The following P4HA1 variants were observed in gnomAD, a reference collection of about 807,000 sequenced individuals.
P4HA1 encodes the protein prolyl 4-hydroxylase subunit alpha 1, also known as prolyl 4-hydroxylase subunit alpha-1.
Under a neutral mutation model 72.8 loss-of-function variants are expected in P4HA1, and 24 were observed. The ratio of observed to expected loss-of-function variants is 0.33; its 90% CI spans 0.24 to 0.46. The LOEUF (loss-of-function observed/expected upper bound fraction) is 0.46, where lower values mean the gene tolerates loss of function less well. Ranked by LOEUF, P4HA1 falls within the 20% of genes least tolerant of loss-of-function variation. The pLI is 1.00. For synonymous variants in P4HA1, 201 were observed against 218.8 expected (o/e 0.92, Z 0.72); for missense variants, 446 against 640.6 (o/e 0.70, Z 3.28).
intron 5 of P4HA1, among the ~76,000 whole-genome samples, chr10:73,060,083 G>C (rs1211640418): frequency 2.0e-5 from 3 of 152,092 alleles, no homozygotes; most frequent in African/African-American, 7.2e-5. Context: ...TACCTCAGAT[G>C]TCTTTAAAAC....
chr10:73,050,421 G>A (rs1346438984), intron 7 of P4HA1, among the ~76,000 whole-genome samples: 1 of 151,558 alleles, frequency 6.6e-6, no homozygotes, highest in African/African-American at 2.4e-5. Flanking sequence ...AGTTTTTTAG[G>A]CTGGGCACAG....
intron 9 of P4HA1, among the ~76,000 whole-genome samples, chr10:73,032,831 C>T (rs560069561): frequency 1.2e-4 from 19 of 152,064 alleles, no homozygotes; most frequent in Non-Finnish European, 2.8e-4. Context: ...AAGAGAAAGA[C>T]ATGGAGAAGA....
intron 10 of P4HA1, among the ~76,000 whole-genome samples, chr10:73,021,172 A>G (rs1257249387): frequency 6.6e-6 from 1 of 152,018 alleles, no homozygotes; most frequent in African/African-American, 2.4e-5. Context: ...AATAACAGAC[A>G]CTGGCAAGGA....
rs761299532 is a variant in P4HA1 at position 73,009,860 on chromosome 10, C to T, written c.1481G>A (p.Gly494Glu). The change falls in exon 14 of 15, where the codon GGA becomes GAA. Residue 494 changes from glycine (G) to glutamate (E), a missense_variant. Coordinates refer to ENST00000394890, the MANE Select transcript of P4HA1 (RefSeq NM_001017962.3). ...GGCTGCATGCCGTGTACTATAATCT[C>T]CTTCTCCACTGGCAAACAGATTATA... ...FWYNLFASGE[G>E]DYSTRHAACP... is the part of the protein sequence containing the mutation. The T allele has an allele frequency of 3.1e-6, 5 of 1,611,498 alleles. No homozygotes were observed. The African/African-American group carries it at 6.7e-5, about 22-fold the overall frequency.
chr10:73,045,414 AAAG>A (rs1840833890), intron 8 of P4HA1, among the ~76,000 whole-genome samples: 1 of 152,122 alleles, frequency 6.6e-6, no homozygotes, highest in African/African-American at 2.4e-5. Flanking sequence ...AAGGGGAAAA[AAAG>A]AAGAATGCCT....
chr10:73,023,351 T>TA (rs1365897812), intron 10 of P4HA1, among the ~76,000 whole-genome samples: 1 of 151,858 alleles, frequency 6.6e-6, no homozygotes, highest in Admixed American at 6.6e-5. Context: ...TCAACATTCT[T>TA]AAAAAAAAGA....
Position 73,030,295 on chromosome 10 carries a change from A to G in P4HA1, c.1224T>C (p.Asp408=). The G allele has an allele frequency of 6.4e-7, 1 of 1,565,260 alleles. No homozygotes were observed. The highest frequency in any genetic ancestry group is 8.7e-7 in the Non-Finnish European group (1 of 1,146,258). ...CCTGTAATTCCTCTGCTGTGGAAAC[A>G]TCTAGTCCTGTTAGATCTTGTATTC... The part of the protein sequence containing the change: ...NMRIQDLTGL[D]VSTAEELQVA... The change falls in exon 10 of 15, where the codon GAT becomes GAC. Residue 408 remains aspartate (D), a synonymous_variant. Coordinates refer to ENST00000394890, the MANE Select transcript of P4HA1 (RefSeq NM_001017962.3).
intron 5 of P4HA1, among the ~76,000 whole-genome samples, chr10:73,068,371 A>C (rs1224284334): frequency 1.3e-5 from 2 of 152,210 alleles, no homozygotes; most frequent in Non-Finnish European, 2.9e-5. Context: ...AGCAACTGTA[A>C]CTTAAAAAGA....
intron 1 of P4HA1, among the ~76,000 whole-genome samples, chr10:73,083,934 A>T (rs187964497): frequency 3.9e-5 from 6 of 152,362 alleles, no homozygotes; most frequent in Admixed American, 6.5e-5. Flanking sequence ...TTTGATAAAC[A>T]TTTTTAATTT....
chr10:73,093,141 A>G (rs1053462108), intron 1 of P4HA1, among the ~76,000 whole-genome samples: 6 of 151,244 alleles, frequency 4.0e-5, no homozygotes, highest in Non-Finnish European at 5.9e-5. Context: ...AAAAAAAGAG[A>G]GAGTAAGGCT....
chr10:73,018,179 C>CT (rs1840052155), intron 10 of P4HA1, among the ~76,000 whole-genome samples: 1 of 152,288 alleles, frequency 6.6e-6, no homozygotes, highest in South Asian at 2.1e-4. Flanking sequence ...CATGTACTCC[C>CT]TCCCAAGAAA....
chr10:73,055,301 T>C (rs564582093), intron 5 of P4HA1, among the ~76,000 whole-genome samples: 1 of 152,216 alleles, frequency 6.6e-6, no homozygotes, highest in East Asian at 1.9e-4. Context: ...ATCTCCCAGG[T>C]TCAAGCGATT....
intron 1 of P4HA1, among the ~76,000 whole-genome samples, chr10:73,088,812 T>G (rs1363014128): frequency 6.6e-6 from 1 of 152,262 alleles, no homozygotes; most frequent in Non-Finnish European, 1.5e-5. Flanking sequence ...TTGACAATTT[T>G]TGTGTGACTA....
intron 9 of P4HA1, 122 bp downstream of exon 9, chr10:73,044,859 T>C: frequency 4.5e-6 from 3 of 672,488 alleles, no homozygotes; most frequent in African/African-American, 1.8e-5. Flanking sequence ...ATCCTGTTTA[T>C]ATACAGGGTG....
intron 10 of P4HA1, among the ~76,000 whole-genome samples, chr10:73,023,244 G>A (rs1250270616): frequency 6.6e-6 from 1 of 152,174 alleles, no homozygotes; most frequent in Non-Finnish European, 1.5e-5. Context: ...GGCAGCCAGA[G>A]AGAAAGGTCG....
At chr10:73,065,288 G>A (rs1841394007) in intron 5 of P4HA1, 1 of 152,036 alleles carries the variant, frequency 6.6e-6, no homozygotes, top group African/African-American at 2.4e-5. Context: ...ACAAATCAGG[G>A]TTGGGAACAA....
intron 10 of P4HA1, among the ~76,000 whole-genome samples, chr10:73,024,395 G>A (rs191174905): frequency 3.9e-5 from 6 of 152,170 alleles, no homozygotes; most frequent in African/African-American, 1.2e-4. Context: ...AATGACTACT[G>A]GGTAAATAAC....
At chr10:73,060,021 A>AC (rs1841275282) in intron 5 of P4HA1, among the ~76,000 whole-genome samples, 1 of 152,148 alleles carries the variant, frequency 6.6e-6, no homozygotes, top group Non-Finnish European at 1.5e-5. Flanking sequence ...AATGAAATAA[A>AC]TGAACTCAAC....
At chr10:73,065,521 T>TA (rs1241689204) in intron 5 of P4HA1, 1 of 152,118 alleles carries the variant, frequency 6.6e-6, no homozygotes, top group Non-Finnish European at 1.5e-5. Context: ...AAATTTAAAA[T>TA]ACATGCATCC....
Sources: gnomAD v4.1 joint callset for allele counts (sites outside exome capture counted in the v4.1 genomes callset) on GRCh38, gnomAD v4.1.1 for gene constraint, MANE v1.5 for transcripts, NCBI Gene and HGNC (gene_info 2026-07-23, HGNC 2026-07-21) for gene names.